OLR1: variants seen among roughly 807,000 people sequenced by gnomAD.
OLR1 encodes the protein oxidized low density lipoprotein receptor 1.
In OLR1, 23 loss-of-function variants were observed where a neutral mutation model predicts 31.7. That is an observed-to-expected ratio of 0.72 (90% confidence interval 0.52 to 1.03). The LOEUF is 1.03. Among genes scored for constraint, OLR1 ranks in the 50% least tolerant of loss-of-function variants. The pLI, the probability that OLR1 is intolerant of heterozygous loss-of-function variation, is 0.00. For synonymous variants in OLR1, 117 were observed against 115.8 expected (o/e 1.01, Z -0.07); for missense variants, 286 against 315.7 (o/e 0.91, Z 0.71).
chr12:10,166,565 T>C, intron 3 of OLR1, 147 bp downstream of exon 3: 1 of 806,218 alleles, frequency 1.2e-6, no homozygotes, highest in Non-Finnish European at 2.0e-6. Flanking sequence ...GAAAAAGAAA[T>C]TGAGAACTTC....
At chr12:10,175,008 T>C (rs1183085199), upstream of OLR1, among the ~76,000 whole-genome samples, 1 of 152,212 alleles carries the variant, frequency 6.6e-6, no homozygotes, top group Non-Finnish European at 1.5e-5. Flanking sequence ...GTTTATCCTG[T>C]TTTTAAAGAT....
chr12:10,164,297 G>A (rs1948643674), intron 3 of OLR1, among the ~76,000 whole-genome samples: 1 of 152,106 alleles, frequency 6.6e-6, no homozygotes, highest in Admixed American at 6.5e-5. Flanking sequence ...TTCCTTGCAA[G>A]CTCCAACTTT....
chr12:10,169,164 G>A lies in OLR1; in HGVS notation c.88C>T (p.Leu30Phe), dbSNP rs1948688068. 5 of 1,612,628 alleles carry A rather than the reference G, an allele frequency of 3.1e-6. No individual in the cohort carries two copies. The highest frequency in any genetic ancestry group is 4.2e-6 in the Non-Finnish European group (5 of 1,179,326). ...NGKKAKGLQF[L>F]YSPWWCLAAA... ...GCCAGGCACCACCATGGAGAGTAAA[G>A]AAACTGAAGACCTAGAGTGACAGAG... is the stretch of plus-strand genomic sequence containing the variant. Residue 30 changes from leucine (L) to phenylalanine (F), a missense_variant, in exon 2 of 6, where the codon CTT becomes TTT. By Grantham distance (22) the Leu-to-Phe change is conservative. Transcript: ENST00000309539.
rs751928381 is a variant in OLR1 at position 10,160,323 on chromosome 12, C to T, written c.680+24G>A. On this transcript the variant is annotated intron_variant, in intron 5 of 5. Coordinates refer to ENST00000309539, the MANE Select transcript of OLR1 (RefSeq NM_002543.4). ...AAGAATAGGAAACTGACGAGAGAGG[C>T]ATCAAAAAGAATGGGAAACTTACAA... The T allele has an allele frequency of 2.6e-6, 4 of 1,549,194 alleles. No individual in the cohort carries two copies. In the African/African-American group the frequency reaches 5.4e-5, roughly 21 times the overall value.
At chr12:10,169,223 G>A (rs1346666377) in intron 1 of OLR1, 48 bp from the exon 2 acceptor site, 7 of 1,363,660 alleles carry the variant, frequency 5.1e-6, no homozygotes, top group South Asian at 1.2e-5. Flanking sequence ...GAGTGAACAA[G>A]TAAGCAAACC....
At chr12:10,169,923 TA>T (rs34715844) in intron 1 of OLR1, among the ~76,000 whole-genome samples, 69 of 148,138 alleles carry the variant, frequency 4.7e-4, no homozygotes, top group Non-Finnish European at 4.5e-4. Flanking sequence ...GTTCCACCAC[TA>T]AAAAAAAAAA....
In OLR1 at chr12:10,169,159, G is replaced by T; in HGVS notation, c.93C>A (p.Tyr31Ter). The change falls in exon 2 of 6, where the codon TAC becomes TAA. Residue 31 changes from tyrosine to a stop codon, truncating the protein, a stop_gained. Coordinates refer to ENST00000309539, the MANE Select transcript of OLR1 (RefSeq NM_002543.4). LOFTEE classifies it high-confidence loss of function. ...CAGCAGCCAGGCACCACCATGGAGA[G>T]TAAAGAAACTGAAGACCTAGAGTGA... ...GKKAKGLQFLYSPWWCLAAAT... is the reference protein window; with the variant it reads ...GKKAKGLQFL 2 of 1,613,070 alleles carry T rather than the reference G, an allele frequency of 1.2e-6. No individual in the cohort carries two copies. The highest frequency in any genetic ancestry group is 1.7e-6 in the Non-Finnish European group (2 of 1,179,592).
In OLR1 at chr12:10,160,466, T is replaced by C. The variant is rs767037097; in HGVS notation, c.565-4A>G. The C allele has an allele frequency of 1.9e-6, 3 of 1,601,244 alleles. No homozygotes were observed. The highest frequency in any genetic ancestry group is 2.6e-6 in the Non-Finnish European group (3 of 1,169,906). ...AAATTGCTTGCTGGATGAAGTCCTG[T>C]GGGGAGTAATGTTTCTGAGTTTGTG... is the stretch of plus-strand genomic sequence containing the variant. On this transcript the variant is annotated splice_region_variant and splice_polypyrimidine_tract_variant and intron_variant, in intron 4 of 5. Coordinates refer to ENST00000309539, the MANE Select transcript of OLR1 (RefSeq NM_002543.4).
intron 1 of OLR1, 31 bp from the exon 2 acceptor site, chr12:10,169,206 CA>C: frequency 6.6e-7 from 1 of 1,511,706 alleles, no homozygotes; most frequent in Non-Finnish European, 9.1e-7. Context: ...ATCAGAAAGA[CA>C]AAAAAGAGTG....
chr12:10,159,135 G>T lies in OLR1; in HGVS notation c.*745C>A, dbSNP rs1159692274. The T allele has an allele frequency of 6.6e-6, 1 of 152,174 alleles. No individual in the cohort carries two copies. The highest frequency in any genetic ancestry group is 6.5e-5 in the Admixed American group (1 of 15,284). The allele number at this position is 152,174 out of a possible 1,614,324, so 9.4% of individuals were successfully genotyped here. On this transcript the variant is annotated 3_prime_UTR_variant, in exon 6 of 6. Transcript: ENST00000309539. ...TCCCATGATTCTAACAAGAACTGTT[G>T]TGAAGGGTTAAATCTATTAATCTGT...
Position 10,169,143 on chromosome 12 carries a change from G to T in OLR1, c.109C>A (p.Leu37Met), listed in dbSNP as rs760694441. ...LQFLYSPWWC[L>M]AAATLGVLCL... ...AGGACCCCTAGAGTCGCAGCAGCCA[G>T]GCACCACCATGGAGAGTAAAGAAAC... Residue 37 changes from leucine (L) to methionine (M), a missense_variant, in exon 2 of 6, where the codon CTG (leucine) becomes ATG (methionine). By Grantham distance (15) the Leu-to-Met change is conservative. Transcript: ENST00000309539. 1.2e-6 allele frequency: 2 copies of T among 1,613,972 alleles called. No homozygotes were observed. Among genetic ancestry groups the T allele is most frequent in the Non-Finnish European group, 1.7e-6 (2 of 1,179,948 alleles).
At chr12:10,169,755 C>G (rs1214615167) in intron 1 of OLR1, among the ~76,000 whole-genome samples, 1 of 152,002 alleles carries the variant, frequency 6.6e-6, no homozygotes, top group African/African-American at 2.4e-5. Flanking sequence ...GGTTATTAAT[C>G]AAAGAAAAGT....
At chr12:10,160,645 T>C (rs1477635149) in intron 4 of OLR1, 141 bp downstream of exon 4, 1 of 1,130,628 alleles carries the variant, frequency 8.8e-7, no homozygotes, top group Non-Finnish European at 1.3e-6. Context: ...TCCAAGGTCA[T>C]ACACAAAATT....
chr12:10,171,483 C>A (rs1404665316), intron 1 of OLR1, among the ~76,000 whole-genome samples: 2 of 152,118 alleles, frequency 1.3e-5, no homozygotes, highest in African/African-American at 4.8e-5. Flanking sequence ...ATTTACTTTG[C>A]CTGCATAATT....
rs1026780218 is a variant in OLR1, at chr12:10,158,554, G to T, written c.*1326C>A. The T allele has an allele frequency of 7.9e-5, 12 of 152,044 alleles. No individual in the cohort carries two copies. Among genetic ancestry groups the T allele is most frequent in the African/African-American group, 2.9e-4 (12 of 41,410 alleles). 9.4% of individuals were successfully genotyped at this position (152,044 alleles called of 1,614,324 possible). A position where few individuals can be genotyped will look rare whatever the true frequency, so the allele number is the denominator to read the frequency against. The stretch of plus-strand genomic sequence containing the variant: ...TTCCATTCACATAAAACTACAAAAT[G>T]CAAAATGAAAGCCGATTGGTGGTTT... On this transcript the variant is annotated 3_prime_UTR_variant, in exon 6 of 6. Coordinates refer to ENST00000309539, the MANE Select transcript of OLR1 (RefSeq NM_002543.4).
Position 10,166,796 on chromosome 12 carries a change from T to C in OLR1, c.340A>G (p.Asn114Asp). Reference protein sequence around the residue: ...EMIETLARKLNEKSKEQMELH... With the variant: ...EMIETLARKLDEKSKEQMELH... ...TCCATTTGCTCTTTGGATTTCTCAT[T>C]CAGCTTCCGAGCAAGGGTTTCTATC... Residue 114 changes from asparagine to aspartate, a missense_variant, in exon 3 of 6, where the codon AAT becomes GAT. Transcript: ENST00000309539. The C allele has an allele frequency of 8.1e-6, 13 of 1,613,962 alleles. No individual in the cohort carries two copies. Among genetic ancestry groups the C allele is most frequent in the Non-Finnish European group, 9.3e-6 (11 of 1,180,018 alleles).
Position 10,171,982 on chromosome 12 carries a change from C to A in OLR1, c.76+20G>T, listed in dbSNP as rs1335478854. On this transcript the variant is annotated intron_variant, in intron 1 of 5. Coordinates refer to ENST00000309539, the MANE Select transcript of OLR1 (RefSeq NM_002543.4). ...AACACTGGGATTCTTTCCCTGTACACATTTTCCCATCCCTAGTACCTTTAG... is the reference window on the plus strand; with the variant it reads ...AACACTGGGATTCTTTCCCTGTACAAATTTTCCCATCCCTAGTACCTTTAG... 6 of 1,586,316 alleles carry A rather than the reference C, an allele frequency of 3.8e-6. No individual in the cohort carries two copies. Among genetic ancestry groups the A allele is most frequent in the Non-Finnish European group, 5.2e-6 (6 of 1,154,940 alleles).
In OLR1 at chr12:10,159,020, T is replaced by C. The variant is rs143980830; in HGVS notation, c.*860A>G. Reference sequence around the variant, plus strand: ...TTTTGTCTTGTATGTTTCGGAATTATAGCATAGCAAAACAGAGTTGAGAAG... The same window carrying C: ...TTTTGTCTTGTATGTTTCGGAATTACAGCATAGCAAAACAGAGTTGAGAAG... On this transcript the variant is annotated 3_prime_UTR_variant, in exon 6 of 6. Transcript: ENST00000309539. The C allele has an allele frequency of 6.6e-6, 1 of 152,220 alleles. No individual in the cohort carries two copies. Among genetic ancestry groups the C allele is most frequent in the Non-Finnish European group, 1.5e-5 (1 of 68,038 alleles). The allele number at this position is 152,220 out of a possible 1,614,324, so 9.4% of individuals were successfully genotyped here.
Position 10,160,445 on chromosome 12 carries a change from T to A in OLR1, c.582A>T (p.Ala194=), listed in dbSNP as rs375085053. 57 of 1,613,116 alleles carry A rather than the reference T, an allele frequency of 3.5e-5. No individual in the cohort carries two copies. In the East Asian group the frequency reaches 4.7e-4, roughly 13 times the overall value. Residue 194 remains alanine, a synonymous_variant, in exon 5 of 6, where the codon GCA becomes GCT. Transcript: ENST00000309539. ...STADLDFIQQ[A]ISYSSFPFWM... The stretch of plus-strand genomic sequence containing the variant: ...AGAATGGAAAACTGGAATAGGAAAT[T>A]GCTTGCTGGATGAAGTCCTGTGGGG...
Sources: allele counts gnomAD v4.1 joint callset (sites outside exome capture counted in the v4.1 genomes callset), GRCh38; gene constraint gnomAD v4.1.1; transcripts MANE v1.5; gene names NCBI Gene and HGNC (gene_info 2026-07-23, HGNC 2026-07-21).